Variants in TNNI3K observed in about 807,000 individuals in gnomAD.
The protein encoded by TNNI3K is TNNI3 interacting kinase, also known as serine/threonine-protein kinase TNNI3K.
Under a neutral mutation model 114.5 loss-of-function variants are expected in TNNI3K, and 140 were observed. The observed-to-expected ratio is 1.22, with a 90% CI of 1.07 to 1.41. The LOEUF is 1.41. Ranked by LOEUF, TNNI3K falls within the 40% of genes most tolerant of loss-of-function variation. The pLI, the probability that TNNI3K is intolerant of heterozygous loss-of-function variation, is 0.00. For missense variants in TNNI3K, 1,125 were observed against 1,007.6 expected (o/e 1.12, Z -1.58); for synonymous variants, 347 against 347.5 (o/e 1.00, Z 0.02).
In TNNI3K at chr1:74,235,517, C is replaced by A. The variant is rs777655323; in HGVS notation, c.40+26C>A. On this transcript the variant is annotated intron_variant, in intron 1 of 24. Coordinates refer to ENST00000326637, the MANE Select transcript of TNNI3K (RefSeq NM_015978.3). ...GTAATTATTCTAATTATTCTTATTT[C>A]CTTAAGTGTAATATGGTTCAATTAT... The A allele has an allele frequency of 3.1e-6, 4 of 1,271,714 alleles. 1 individual carries two copies. In the South Asian group the frequency reaches 3.9e-5, roughly 12 times the overall value. 78.8% of individuals were successfully genotyped at this position (1,271,714 alleles called of 1,614,324 possible).
intron 5 of TNNI3K, among the ~76,000 whole-genome samples, chr1:74,283,846 A>G (rs979310957): frequency 3.3e-5 from 5 of 152,186 alleles, no homozygotes; most frequent in African/African-American, 4.8e-5. Flanking sequence ...GTTATTAATT[A>G]ACATGTATTA....
intron 17 of TNNI3K, chr1:74,378,725 T>C (rs915317869): frequency 1.4e-5 from 2 of 147,840 alleles, no homozygotes; most frequent in Non-Finnish European, 3.0e-5. Flanking sequence ...CGCTGAGGGC[T>C]TGGCATTGGG....
intron 5 of TNNI3K, among the ~76,000 whole-genome samples, chr1:74,279,545 A>G (rs965765811): frequency 5.9e-5 from 9 of 152,134 alleles, no homozygotes; most frequent in African/African-American, 2.2e-4. Context: ...AAAGAGTATT[A>G]GAAGAAATTA....
chr1:74,267,642 C>T (rs574109711), intron 4 of TNNI3K, among the ~76,000 whole-genome samples: 13 of 151,972 alleles, frequency 8.6e-5, no homozygotes, highest in African/African-American at 3.1e-4. Flanking sequence ...AATTTATATG[C>T]AGCAATTACT....
chr1:74,465,689 A>G (rs1370463428), intron 21 of TNNI3K, among the ~76,000 whole-genome samples: 3 of 152,208 alleles, frequency 2.0e-5, no homozygotes, highest in Admixed American at 6.5e-5. Context: ...GGCCCTGGCC[A>G]GGTATCCACT....
chr1:74,248,302 C>T (rs1654713881), intron 2 of TNNI3K, among the ~76,000 whole-genome samples: 1 of 152,042 alleles, frequency 6.6e-6, no homozygotes, highest in Non-Finnish European at 1.5e-5. Flanking sequence ...TCCACACCTC[C>T]CCACAAGCAG....
chr1:74,467,729 C>G (rs1667738972), intron 21 of TNNI3K, among the ~76,000 whole-genome samples: 1 of 152,012 alleles, frequency 6.6e-6, no homozygotes, highest in South Asian at 2.1e-4. Context: ...AATAGCTAAG[C>G]ATTGATTCTT....
At chr1:74,335,986 G>C in intron 6 of TNNI3K, 25 bp from the exon 7 acceptor site, 8 of 1,548,886 alleles carry the variant, frequency 5.2e-6, no homozygotes, top group Non-Finnish European at 6.9e-6. Context: ...TTTTTATACT[G>C]ATTTCAAATG....
chr1:74,391,732 A>G (rs1482758404), intron 17 of TNNI3K, among the ~76,000 whole-genome samples: 2 of 152,128 alleles, frequency 1.3e-5, no homozygotes, highest in Non-Finnish European at 2.9e-5. Context: ...GAAAGAAAAG[A>G]GAAGAGAAGA....
At chr1:74,304,293 A>G (rs1658495396) in intron 5 of TNNI3K, among the ~76,000 whole-genome samples, 1 of 152,214 alleles carries the variant, frequency 6.6e-6, no homozygotes, top group African/African-American at 2.4e-5. Context: ...TATTTTAAGA[A>G]GTTTCCAAAG....
chr1:74,339,140 G>A (rs1432346610), intron 7 of TNNI3K, among the ~76,000 whole-genome samples: 1 of 152,038 alleles, frequency 6.6e-6, no homozygotes, highest in African/African-American at 2.4e-5. Flanking sequence ...GTCTCTTTCA[G>A]TGCAAAAGGC....
intron 23 of TNNI3K, among the ~76,000 whole-genome samples, chr1:74,513,403 C>A (rs768896948): frequency 2.6e-5 from 4 of 152,206 alleles, no homozygotes; most frequent in Non-Finnish European, 4.4e-5. Context: ...CTGATGATGA[C>A]TGTCTTTGCA....
chr1:74,246,589 C>A (rs1654571327), intron 2 of TNNI3K, among the ~76,000 whole-genome samples: 1 of 151,820 alleles, frequency 6.6e-6, no homozygotes, highest in Non-Finnish European at 1.5e-5. Context: ...GAAAAAAAAA[C>A]AAAGTATTGG....
rs184038077 is a variant in TNNI3K at position 74,363,298 on chromosome 1, G to A, written c.1178-3958G>A. 4.1e-3 allele frequency among the ~76,000 whole-genome samples: 631 copies of A among 152,080 alleles called. 4 individuals carry two copies. The highest frequency in any genetic ancestry group is 0.015 in the African/African-American group (606 of 41,490). ...TGTAGTCATGGAAAATTTCCCATACGTGGGTGCCTTAGCCCACAGTTAGCA... is the reference window on the plus strand; with the variant it reads ...TGTAGTCATGGAAAATTTCCCATACATGGGTGCCTTAGCCCACAGTTAGCA... On this transcript the variant is annotated intron_variant, in intron 11 of 24. Coordinates refer to ENST00000326637, the MANE Select transcript of TNNI3K (RefSeq NM_015978.3).
chr1:74,371,935 G>A (rs1289657985), intron 17 of TNNI3K: 1 of 151,570 alleles, frequency 6.6e-6, no homozygotes, highest in South Asian at 2.1e-4. Flanking sequence ...AATTTCACCG[G>A]TGGCAGTGGA....
intron 23 of TNNI3K, 82 bp from the exon 24 acceptor site, chr1:74,540,152 G>T: frequency 1.4e-6 from 2 of 1,467,698 alleles, no homozygotes; most frequent in Non-Finnish European, 1.9e-6. Flanking sequence ...TGGGATCTAT[G>T]TTGAGTGGAA....
At position 74,383,797 on chromosome 1, in the gene TNNI3K, T is replaced by C. The variant is rs76257808; in HGVS notation, c.1772+13405T>C. Among the ~76,000 whole-genome samples, 399 of 152,252 alleles carry C rather than the reference T, an allele frequency of 2.6e-3. 1 individual carries two copies. The highest frequency in any genetic ancestry group is 9.3e-3 in the African/African-American group (388 of 41,560). On this transcript the variant is annotated intron_variant, in intron 17 of 24. Coordinates refer to ENST00000326637, the MANE Select transcript of TNNI3K (RefSeq NM_015978.3). ...TATTAATGTTCTTTATGCCAGGTAT[T>C]GAACTCAATGCTTTACAGAGATCAT...
At chr1:74,240,578 A>G (rs1186105473) in intron 2 of TNNI3K, 3 of 152,146 alleles carry the variant, frequency 2.0e-5, no homozygotes, top group African/African-American at 7.2e-5. Flanking sequence ...TTTTGAAAAA[A>G]CTATGGAAGT....
intron 4 of TNNI3K, among the ~76,000 whole-genome samples, chr1:74,263,819 T>G (rs1276726548): frequency 1.3e-5 from 2 of 152,190 alleles, no homozygotes; most frequent in South Asian, 4.1e-4. Flanking sequence ...AGAGTTTATT[T>G]AAATGTTATT....
Sources: allele counts gnomAD v4.1 joint callset (sites outside exome capture counted in the v4.1 genomes callset), GRCh38; gene constraint gnomAD v4.1.1; transcripts MANE v1.5; gene names NCBI Gene and HGNC (gene_info 2026-07-23, HGNC 2026-07-21).